SYNPO2L: variants seen among roughly 807,000 people sequenced by gnomAD.
SYNPO2L encodes the protein synaptopodin 2 like.
SYNPO2L carries 34 observed loss-of-function variants against 47.5 expected under a neutral mutation model. The ratio of observed to expected loss-of-function variants is 0.72; its 90% CI spans 0.54 to 0.95. The LOEUF (loss-of-function observed/expected upper bound fraction) is 0.95. SYNPO2L is among the 40% of genes least tolerant of loss of function. The pLI, the probability that SYNPO2L is intolerant of heterozygous loss-of-function variation, is 0.00. For missense variants in SYNPO2L, 1,246 were observed against 1,282.0 expected, an observed-to-expected ratio of 0.97 and a Z score of 0.43; for synonymous variants, 536 against 524.9, an observed-to-expected ratio of 1.02 and a Z score of -0.29.
rs3219615 is a variant in SYNPO2L, at chr10:73,646,178, GCACACACACACACACACACACACA to G, written c.*516_*539del. On this transcript the variant is annotated 3_prime_UTR_variant, in exon 4 of 4. Transcript: ENST00000394810. ...TCTTATTCATGCCTTAGACGGAAGA[GCACACACACACACACACACACACA>G]CACACACACACACACAGGCCTAGGT... The G allele has an allele frequency of 3.2e-6, 3 of 946,202 alleles. No individual in the cohort carries two copies. In the East Asian group the frequency reaches 3.7e-4, roughly 117 times the overall value. The allele number at this position is 946,202 out of a possible 1,614,324, so 58.6% of individuals were successfully genotyped here.
chr10:73,646,827 A>G lies in SYNPO2L; in HGVS notation c.2825T>C (p.Leu942Pro), dbSNP rs2081757103. The G allele has an allele frequency of 6.5e-7, 1 of 1,549,132 alleles. No homozygotes were observed. Among genetic ancestry groups the G allele is most frequent in the Admixed American group, 2.1e-5 (1 of 48,332 alleles). ...PAPPPEAPRG[L>P]GASPSSCGFQ... ...ACCGCAGGAGCTGGGAGAAGCCCCA[A>G]GGCCCCTGGGAGCCTCTGGAGGAGG... The change falls in exon 4 of 4, where the codon CTT becomes CCT. Residue 942 changes from leucine to proline, a missense_variant. Physicochemically the swap from Leu to Pro is moderately conservative, Grantham distance 98. Transcript: ENST00000394810.
chr10:73,648,372 C>CA lies in SYNPO2L; in HGVS notation c.1279_1280insT (p.Ser427MetfsTer39). 1 of 1,606,732 alleles carries CA rather than the reference C, an allele frequency of 6.2e-7. No homozygotes were observed. The highest frequency in any genetic ancestry group is 8.5e-7 in the Non-Finnish European group (1 of 1,179,408). On this transcript the variant is annotated frameshift_variant, in exon 4 of 4. Coordinates refer to ENST00000394810, the MANE Select transcript of SYNPO2L (RefSeq NM_001114133.3). LOFTEE classifies it low-confidence loss of function (END_TRUNC). ...GAGCACAGCTGCCTCTGGGGGAGCA[C>CA]TCTGGGCCCGAGGTGGTGACTGCAG...
In SYNPO2L at chr10:73,645,874, GA is replaced by G. The variant is rs2081741644; in HGVS notation, c.*843del. 1.0e-6 allele frequency: 1 copy of G among 981,296 alleles called. No individual in the cohort carries two copies. Among genetic ancestry groups the G allele is most frequent in the Non-Finnish European group, 1.2e-6 (1 of 825,894 alleles). 60.8% of individuals were successfully genotyped at this position (981,296 alleles called of 1,614,324 possible). A position where few individuals can be genotyped will look rare whatever the true frequency, so the allele number is the denominator to read the frequency against. ...GAGTCTCGCTCCGTCGCCCAGGCTG[GA>G]GTGCAGTGGCGCAATCTCAGCTCAC... On this transcript the variant is annotated 3_prime_UTR_variant, in exon 4 of 4. Coordinates refer to ENST00000394810, the MANE Select transcript of SYNPO2L (RefSeq NM_001114133.3).
At chr10:73,654,374 T>C in intron 1 of SYNPO2L, 94 bp from the exon 2 acceptor site, 2 of 1,484,980 alleles carry the variant, frequency 1.3e-6, no homozygotes, top group Non-Finnish European at 1.8e-6. Flanking sequence ...GAGGGGATTT[T>C]ACTTTGCAGG....
chr10:73,647,602 A>C lies in SYNPO2L; in HGVS notation c.2050T>G (p.Cys684Gly), dbSNP rs751344464. ...GCCCCTACTGGCTGCATGAAGTTGC[A>C]GGCTTCAGCCCCGAGGCTCAGAGCA... ...EDALSLGAEACNFMQPVGARS... is the reference protein window; with the variant it reads ...EDALSLGAEAGNFMQPVGARS... The change falls in exon 4 of 4, where the codon TGC (cysteine) becomes GGC (glycine). Residue 684 changes from cysteine (C) to glycine (G), a missense_variant. This residue lies in a region of SYNPO2L where 1,037 missense variants were observed against 1,021.5 expected (regional missense o/e 1.02). Transcript: ENST00000394810. 1.2e-6 allele frequency: 2 copies of C among 1,614,000 alleles called. No individual in the cohort carries two copies. Among genetic ancestry groups the C allele is most frequent in the Non-Finnish European group, 1.7e-6 (2 of 1,179,918 alleles).
In SYNPO2L at chr10:73,644,915, A is replaced by T. The variant is rs117050535; in HGVS notation, c.*1803T>A. The T allele has an allele frequency of 2.4e-4, 232 of 983,264 alleles. 1 individual carries two copies. In the East Asian group the frequency reaches 0.019, roughly 80 times the overall value. The allele number at this position is 983,264 out of a possible 1,614,324, so 60.9% of individuals were successfully genotyped here. A position where few individuals can be genotyped will look rare whatever the true frequency, so the allele number is the denominator to read the frequency against. On this transcript the variant is annotated 3_prime_UTR_variant, in exon 4 of 4. Coordinates refer to ENST00000394810, the MANE Select transcript of SYNPO2L (RefSeq NM_001114133.3). ...GGGCATAAATTTATTCTTGTGCACA[A>T]ACCAAAGTATTGTGACTCACACCCA...
Position 73,646,519 on chromosome 10 carries a change from G to A in SYNPO2L, c.*199C>T, listed in dbSNP as rs1482063279. 12 of 1,244,352 alleles carry A rather than the reference G, an allele frequency of 9.6e-6. No individual in the cohort carries two copies. In the East Asian group the frequency reaches 3.8e-4, roughly 39 times the overall value. The allele number at this position is 1,244,352 out of a possible 1,614,324, so 77.1% of individuals were successfully genotyped here. A position where few individuals can be genotyped will look rare whatever the true frequency, so the allele number is the denominator to read the frequency against. On this transcript the variant is annotated 3_prime_UTR_variant, in exon 4 of 4. Coordinates refer to ENST00000394810, the MANE Select transcript of SYNPO2L (RefSeq NM_001114133.3). ...GACAAAGAGAGGCAAAGATACCAAA[G>A]CAGACATACTTGGTTGGAAAGCGGC... is the stretch of plus-strand genomic sequence containing the variant.
intron 3 of SYNPO2L, chr10:73,650,080 G>A: frequency 1.0e-6 from 1 of 985,360 alleles, no homozygotes; most frequent in South Asian, 4.7e-5. Context: ...TGGGTAGGTG[G>A]GGCCAGGAAA....
rs1054464191 is a variant in SYNPO2L at position 73,645,822 on chromosome 10, TTTTG to T, written c.*892_*895del. On this transcript the variant is annotated 3_prime_UTR_variant, in exon 4 of 4. Transcript: ENST00000394810. ...ACAACGATAAGACTCAGATTGGGTC[TTTTG>T]TTTGTTTGTTTGTTTTGAGACAGAG... 28 of 985,980 alleles carry T rather than the reference TTTTG, an allele frequency of 2.8e-5. 1 individual carries two copies. Among genetic ancestry groups the T allele is most frequent in the Middle Eastern group, 5.2e-4 (1 of 1,914 alleles). 61.1% of individuals were successfully genotyped at this position (985,980 alleles called of 1,614,324 possible). A position where few individuals can be genotyped will look rare whatever the true frequency, so the allele number is the denominator to read the frequency against.
In SYNPO2L at chr10:73,646,146, C is replaced by T; in HGVS notation, c.*572G>A. On this transcript the variant is annotated 3_prime_UTR_variant, in exon 4 of 4. Coordinates refer to ENST00000394810, the MANE Select transcript of SYNPO2L (RefSeq NM_001114133.3). Reference sequence around the variant, plus strand: ...GCCTCAGATTGGGTCTTTATTTTGACCTCCCCTCTTATTCATGCCTTAGAC... The same window carrying T: ...GCCTCAGATTGGGTCTTTATTTTGATCTCCCCTCTTATTCATGCCTTAGAC... The T allele has an allele frequency of 1.0e-6, 1 of 985,514 alleles. No individual in the cohort carries two copies. Among genetic ancestry groups the T allele is most frequent in the Non-Finnish European group, 1.2e-6 (1 of 830,790 alleles). The allele number at this position is 985,514 out of a possible 1,614,324, so 61.0% of individuals were successfully genotyped here.
rs79048905 is a variant in SYNPO2L, at chr10:73,648,665, G to T, written c.987C>A (p.Pro329=). 8.6e-5 allele frequency: 138 copies of T among 1,610,888 alleles called. No homozygotes were observed. The highest frequency in any genetic ancestry group is 3.3e-5 in the South Asian group (3 of 91,052). ...TGAEEEDGVP[P]TSESELDEEA... ...CTTCGTCCAGCTCGGACTCACTCGT[G>T]GGGGGAACGCCGTCCTCCTCCTCAG... The change falls in exon 4 of 4, where the codon CCC becomes CCA. Residue 329 remains proline (P), a synonymous_variant. Transcript: ENST00000394810.
chr10:73,655,690 G>GGGC, intron 1 of SYNPO2L, 128 bp downstream of exon 1: 1 of 271,704 alleles, frequency 3.7e-6, no homozygotes, highest in Non-Finnish European at 7.4e-6. Flanking sequence ...ATACTTCCCT[G>GGGC]CCCACCACCC....
intron 3 of SYNPO2L, chr10:73,650,167 A>G: frequency 1.0e-6 from 1 of 985,442 alleles, no homozygotes; most frequent in Non-Finnish European, 1.2e-6. Context: ...GTTCCTCCTG[A>G]AAAATTATTG....
chr10:73,648,277 G>T lies in SYNPO2L; in HGVS notation c.1375C>A (p.Pro459Thr), dbSNP rs907639975. The change falls in exon 4 of 4, where the codon CCA becomes ACA. Residue 459 changes from proline to threonine, a missense_variant. Physicochemically the swap from Pro to Thr is conservative, Grantham distance 38. Transcript: ENST00000394810. ...PFQPGGGAPT[P>T]APSIFNRSAR... ...GACCGGTTAAAGATGCTTGGAGCTG[G>T]GGTCGGGGCTCCACCACCTGGTTGG... 1.2e-6 allele frequency: 2 copies of T among 1,601,054 alleles called. No homozygotes were observed. Among genetic ancestry groups the T allele is most frequent in the Non-Finnish European group, 1.7e-6 (2 of 1,178,390 alleles).
rs1419672519 is a variant in SYNPO2L, at chr10:73,653,257, C to T, written c.654G>A (p.Leu218=). The change falls in exon 3 of 4, where the codon CTG becomes CTA. Residue 218 remains leucine, a synonymous_variant. Transcript: ENST00000394810. ...AALQPPPAEA[L]LLPHGPLRPG... is the part of the protein sequence containing the mutation. ...GTCGGAGGGGGCCATGGGGTAACAG[C>T]AGAGCCTCAGCTGGGGGTGGCTGAA... 16 of 1,546,296 alleles carry T rather than the reference C, an allele frequency of 1.0e-5. No individual in the cohort carries two copies. Among genetic ancestry groups the T allele is most frequent in the Middle Eastern group, 3.3e-4 (2 of 5,976 alleles).
Position 73,648,463 on chromosome 10 carries a change from G to T in SYNPO2L, c.1189C>A (p.Arg397Ser), listed in dbSNP as rs1304928152. 2 of 1,611,480 alleles carry T rather than the reference G, an allele frequency of 1.2e-6. No homozygotes were observed. Among genetic ancestry groups the T allele is most frequent in the East Asian group, 2.2e-5 (1 of 44,876 alleles). The change falls in exon 4 of 4, where the codon CGC becomes AGC. Residue 397 changes from arginine (R) to serine (S), a missense_variant. Arg to Ser is a moderately radical substitution (Grantham distance 110). This residue lies in a region of SYNPO2L where 1,037 missense variants were observed against 1,021.5 expected (regional missense o/e 1.02). Coordinates refer to ENST00000394810, the MANE Select transcript of SYNPO2L (RefSeq NM_001114133.3). ...AGTTCCTGGGTGCTGGAGTCTGCGCGCTGGCGCTGCTGTTCAAAGAGCTGC... is the reference window on the plus strand; with the variant it reads ...AGTTCCTGGGTGCTGGAGTCTGCGCTCTGGCGCTGCTGTTCAAAGAGCTGC... ...GVQLFEQQRQ[R>S]ADSSTQELAR...
intron 1 of SYNPO2L, 37 bp from the exon 2 acceptor site, chr10:73,654,317 G>A (rs1436497015): frequency 1.9e-6 from 3 of 1,549,436 alleles, no homozygotes; most frequent in Non-Finnish European, 2.6e-6. Flanking sequence ...GTAAGAGGGG[G>A]CTCCAAAGGG....
At chr10:73,653,723 T>TGGAGGGAAGAGGTAAGGG in intron 2 of SYNPO2L, 70 bp from the exon 3 acceptor site, 2 of 1,457,812 alleles carry the variant, frequency 1.4e-6, no homozygotes, top group Non-Finnish European at 1.8e-6. Flanking sequence ...CTGGAAGGGA[T>TGGAGGGAAGAGGTAAGGG]GGAGGGAAGA....
chr10:73,653,794 G>T (rs2081859135), intron 2 of SYNPO2L, 141 bp from the exon 3 acceptor site: 7 of 1,212,216 alleles, frequency 5.8e-6, no homozygotes, highest in African/African-American at 3.1e-5. Flanking sequence ...GAATGGGTGG[G>T]CCGGGAAGAG....
Sources: gnomAD v4.1 joint callset for allele counts on GRCh38, gnomAD v4.1.1 for gene constraint, gnomAD v4.1.1 regional missense constraint, MANE v1.5 for transcripts, NCBI Gene and HGNC (gene_info 2026-07-23, HGNC 2026-07-21) for gene names.